The following DNAH3 variants were observed in gnomAD, a reference collection of about 807,000 sequenced individuals.
DNAH3 encodes the protein axonemal beta dynein heavy chain 3.
A neutral mutation model predicts 432.5 loss-of-function variants in DNAH3; 332 were observed. The ratio of observed to expected loss-of-function variants is 0.77; its 90% CI spans 0.70 to 0.84. The LOEUF (loss-of-function observed/expected upper bound fraction) is 0.84, where lower values mean the gene tolerates loss of function less well. Ranked by LOEUF, DNAH3 falls within the 40% of genes least tolerant of loss-of-function variation. The pLI, the probability that DNAH3 is intolerant of heterozygous loss-of-function variation, is 0.00. For missense variants in DNAH3, 4,861 were observed against 5,114.0 expected (o/e 0.95, Z 1.51); for synonymous variants, 1,956 against 1,900.2 (o/e 1.03, Z -0.76).
intron 27 of DNAH3, 146 bp from the exon 28 acceptor site, chr16:21,054,680 G>C: frequency 1.6e-6 from 1 of 614,384 alleles, no homozygotes; most frequent in Non-Finnish European, 2.9e-6. Flanking sequence ...CCTTACCCCA[G>C]TCCTTAATCT....
At chr16:20,969,181 T>C (rs920415803) in intron 52 of DNAH3, among the ~76,000 whole-genome samples, 1 of 151,946 alleles carries the variant, frequency 6.6e-6, no homozygotes. Context: ...TTTGGGTGTA[T>C]ATGCATGTGC....
intron 38 of DNAH3, among the ~76,000 whole-genome samples, 168 bp from the exon 39 acceptor site, chr16:21,024,869 C>T (rs1476454058): frequency 7.2e-5 from 11 of 152,100 alleles, no homozygotes; most frequent in African/African-American, 2.7e-4. Context: ...GTTCATCTGC[C>T]CCTTGATTTC....
At chr16:20,933,602 C>G in intron 61 of DNAH3, 95 bp from the exon 62 acceptor site, 1 of 1,001,058 alleles carries the variant, frequency 1.0e-6, no homozygotes, top group South Asian at 1.7e-5. Context: ...AAAGTGCAAC[C>G]TGGTTGCAAT....
At chr16:21,050,494 A>G (rs1184117789) in intron 29 of DNAH3, among the ~76,000 whole-genome samples, 2 of 152,168 alleles carry the variant, frequency 1.3e-5, no homozygotes, top group Non-Finnish European at 2.9e-5. Flanking sequence ...GCTGGAGTGC[A>G]GAGGCATGGT....
intron 18 of DNAH3, among the ~76,000 whole-genome samples, chr16:21,090,552 AC>A: frequency 6.6e-6 from 1 of 152,334 alleles, no homozygotes. Flanking sequence ...AATATAATAT[AC>A]AGTATTAACA....
intron 44 of DNAH3, among the ~76,000 whole-genome samples, chr16:20,991,516 G>C (rs765654656): frequency 6.6e-6 from 1 of 152,058 alleles, no homozygotes; most frequent in Non-Finnish European, 1.5e-5. Flanking sequence ...CACCCGCCTC[G>C]GCCTCCCAAA....
intron 44 of DNAH3, 47 bp from the exon 45 acceptor site, chr16:20,988,112 C>G (rs376745838): frequency 1.0e-4 from 166 of 1,607,568 alleles, no homozygotes; most frequent in Non-Finnish European, 1.3e-4. Flanking sequence ...AACACATATT[C>G]TCACACTGTC....
intron 56 of DNAH3, 61 bp downstream of exon 56, chr16:20,952,369 GAAC>G: frequency 2.0e-6 from 2 of 998,546 alleles, no homozygotes; most frequent in Non-Finnish European, 3.2e-6. Flanking sequence ...AATGGGAGGA[GAAC>G]AGCAGGAGGG....
At chr16:21,113,041 CT>C (rs2092109863) in intron 12 of DNAH3, among the ~76,000 whole-genome samples, 1 of 152,146 alleles carries the variant, frequency 6.6e-6, no homozygotes, top group African/African-American at 2.4e-5. Flanking sequence ...AGACTTTGCA[CT>C]GTGGACTTTT....
At chr16:21,036,625 C>G (rs1000012342) in intron 35 of DNAH3, 89 bp downstream of exon 35, 1 of 1,258,716 alleles carries the variant, frequency 7.9e-7, no homozygotes. Flanking sequence ...ATTGCTGTCA[C>G]TTCAGTTCCA....
At chr16:21,016,554 G>A (rs535975548) in intron 41 of DNAH3, among the ~76,000 whole-genome samples, 4 of 152,144 alleles carry the variant, frequency 2.6e-5, no homozygotes, top group Admixed American at 6.6e-5. Flanking sequence ...TCTGTGTATC[G>A]CTGGTGGGAA....
At chr16:21,139,772 CA>C (rs2092694593) in intron 5 of DNAH3, among the ~76,000 whole-genome samples, 1 of 104,814 alleles carries the variant, frequency 9.5e-6, no homozygotes, top group Non-Finnish European at 1.8e-5. Flanking sequence ...CCAGCCACCT[CA>C]TTCTTTTTTT....
At chr16:21,068,506 G>A (rs534796816) in intron 23 of DNAH3, among the ~76,000 whole-genome samples, 1 of 152,134 alleles carries the variant, frequency 6.6e-6, no homozygotes, top group Admixed American at 6.5e-5. Context: ...GTAGAGACGG[G>A]GTTTCACCAT....
chr16:20,942,139 T>C (rs1356490113), intron 58 of DNAH3, among the ~76,000 whole-genome samples: 1 of 151,572 alleles, frequency 6.6e-6, no homozygotes, highest in Non-Finnish European at 1.5e-5. Context: ...AAGGGAACTC[T>C]TGCTCAGCCA....
chr16:20,963,919 A>C (rs545612592), exon 53 of DNAH3: 8 of 1,614,048 alleles, frequency 5.0e-6, no homozygotes, highest in Non-Finnish European at 5.9e-6. Context: ...GAACCAAGTC[A>C]GGGAGTACTG....
intron 15 of DNAH3, among the ~76,000 whole-genome samples, chr16:21,106,172 C>A (rs1011488904): frequency 1.5e-5 from 2 of 136,508 alleles, no homozygotes; most frequent in Non-Finnish European, 1.6e-5. Flanking sequence ...GAGCGAGACT[C>A]CATCTAAAAA....
At chr16:21,139,531 T>G (rs995586812) in intron 5 of DNAH3, among the ~76,000 whole-genome samples, 1 of 151,618 alleles carries the variant, frequency 6.6e-6, no homozygotes, top group African/African-American at 2.4e-5. Context: ...GACTGGAATG[T>G]AGTGGCACAA....
intron 53 of DNAH3, 49 bp downstream of exon 53, chr16:20,963,235 C>T: frequency 6.4e-7 from 1 of 1,553,972 alleles, no homozygotes; most frequent in Non-Finnish European, 8.8e-7. Context: ...TGATATCCAC[C>T]CACACATACT....
chr16:20,994,674 C>T (rs1221423957), intron 44 of DNAH3, among the ~76,000 whole-genome samples: 1 of 152,142 alleles, frequency 6.6e-6, no homozygotes, highest in Non-Finnish European at 1.5e-5. Context: ...ACTTTGACAA[C>T]CACTTATTCT....
Sources: allele counts gnomAD v4.1 joint callset (sites outside exome capture counted in the v4.1 genomes callset), GRCh38; gene constraint gnomAD v4.1.1; transcripts MANE v1.5; gene names NCBI Gene and HGNC (gene_info 2026-07-23, HGNC 2026-07-21).